Variants in DCUN1D1 observed in about 807,000 individuals in gnomAD.
The protein encoded by DCUN1D1 is DCN1-like protein 1.
Under a neutral mutation model 39.0 loss-of-function variants are expected in DCUN1D1, and 3 were observed. The observed-to-expected ratio is 0.08, with a 90% CI of 0.04 to 0.20. DCUN1D1 has a LOEUF of 0.20. Ranked by LOEUF, DCUN1D1 falls within the 10% of genes least tolerant of loss-of-function variation. DCUN1D1 has a pLI of 1.00. For synonymous variants in DCUN1D1, 82 were observed against 96.3 expected (o/e 0.85, Z 0.87); for missense variants, 158 against 302.4 (o/e 0.52, Z 3.54).
intron 4 of DCUN1D1, among the ~76,000 whole-genome samples, chr3:182,954,567 T>C (rs1188345639): frequency 2.6e-5 from 4 of 152,272 alleles, no homozygotes; most frequent in African/African-American, 9.6e-5. Flanking sequence ...TTTATTAAAT[T>C]ATCTATATAA....
At chr3:182,953,636 C>A (rs1321919571) in intron 4 of DCUN1D1, among the ~76,000 whole-genome samples, 1 of 152,126 alleles carries the variant, frequency 6.6e-6, no homozygotes, top group Admixed American at 6.5e-5. Flanking sequence ...CATATCAGTT[C>A]TTACTATTAT....
Position 182,965,597 on chromosome 3 carries a change from C to G in DCUN1D1, c.160G>C (p.Glu54Gln). ...FFQNPELYIR[E>Q]SVKGSLDRKK... ...CTGTCCAATGATCCTTTTACACTCT[C>G]TCGTATATAAAGTTCAGGATTTTGG... Residue 54 changes from glutamate to glutamine, a missense_variant, in exon 2 of 7, where the codon GAG becomes CAG. Transcript: ENST00000292782. 6.2e-7 allele frequency: 1 copy of G among 1,613,798 alleles called. No individual in the cohort carries two copies. Among genetic ancestry groups the G allele is most frequent in the Non-Finnish European group, 8.5e-7 (1 of 1,179,820 alleles).
intron 1 of DCUN1D1, among the ~76,000 whole-genome samples, chr3:182,972,050 G>GTTT (rs397877483): frequency 1.2e-4 from 13 of 108,854 alleles, no homozygotes; most frequent in Admixed American, 2.0e-4. Flanking sequence ...TCTATTTAGG[G>GTTT]TTTTTTTTTT....
intron 4 of DCUN1D1, among the ~76,000 whole-genome samples, chr3:182,950,255 C>G (rs963643422): frequency 6.6e-6 from 1 of 152,084 alleles, no homozygotes; most frequent in Non-Finnish European, 1.5e-5. Context: ...TCAAGCAATT[C>G]TCCTGCCTCA....
chr3:182,953,138 T>C (rs750835459), intron 4 of DCUN1D1, among the ~76,000 whole-genome samples: 4 of 152,200 alleles, frequency 2.6e-5, no homozygotes, highest in East Asian at 1.9e-4. Flanking sequence ...AAAATGTGCA[T>C]TCATTCTTCA....
Position 182,964,103 on chromosome 3 carries a change from A to G in DCUN1D1, c.221-54T>C, listed in dbSNP as rs552281409. 89 of 1,477,710 alleles carry G rather than the reference A, an allele frequency of 6.0e-5. No individual in the cohort carries two copies. The South Asian group carries it at 8.0e-4, about 13-fold the overall frequency. The allele number at this position is 1,477,710 out of a possible 1,614,324, so 91.5% of individuals were successfully genotyped here. A position where few individuals can be genotyped will look rare whatever the true frequency, so the allele number is the denominator to read the frequency against. On this transcript the variant is annotated intron_variant, in intron 2 of 6. Coordinates refer to ENST00000292782, the MANE Select transcript of DCUN1D1 (RefSeq NM_020640.4). ...TAGTGTCATATTATGCTACATTATGAAAACTGAAAAAGGTAATGCTTTATA... is the reference window on the plus strand; with the variant it reads ...TAGTGTCATATTATGCTACATTATGGAAACTGAAAAAGGTAATGCTTTATA...
rs1726074686 is a variant in DCUN1D1, at chr3:182,940,200, G to A, written c.*4894C>T. ...TGTAAAAATCTCTTGCTTCGTATTGGGTATTGCCCAAGTTTTCCATCAGAT... is the reference window on the plus strand; with the variant it reads ...TGTAAAAATCTCTTGCTTCGTATTGAGTATTGCCCAAGTTTTCCATCAGAT... On this transcript the variant is annotated 3_prime_UTR_variant, in exon 7 of 7. Coordinates refer to ENST00000292782, the MANE Select transcript of DCUN1D1 (RefSeq NM_020640.4). The A allele has an allele frequency of 6.6e-6, 1 of 151,864 alleles. No individual in the cohort carries two copies. The highest frequency in any genetic ancestry group is 6.6e-5 in the Admixed American group (1 of 15,236). The allele number at this position is 151,864 out of a possible 1,614,324, so 9.4% of individuals were successfully genotyped here.
intron 1 of DCUN1D1, chr3:182,980,208 C>T: frequency 2.7e-6 from 1 of 367,396 alleles, no homozygotes; most frequent in Non-Finnish European, 3.8e-6. Context: ...CAAGGGGCAC[C>T]GGGGCCGCTC....
At chr3:182,959,689 T>C (rs750085566) in intron 4 of DCUN1D1, among the ~76,000 whole-genome samples, 18 of 152,018 alleles carry the variant, frequency 1.2e-4, no homozygotes, top group South Asian at 2.1e-4. Context: ...ACTCAAAAAA[T>C]TGGTAAACAT....
At chr3:182,955,290 T>C in intron 4 of DCUN1D1, 1 of 543,342 alleles carries the variant, frequency 1.8e-6, no homozygotes, top group Non-Finnish European at 3.7e-6. Context: ...AAAATCCAAA[T>C]CATCATCACT....
In DCUN1D1 at chr3:182,945,048, G is replaced by T. The variant is rs1726323399; in HGVS notation, c.*46C>A. On this transcript the variant is annotated 3_prime_UTR_variant, in exon 7 of 7. Transcript: ENST00000292782. Reference sequence around the variant, plus strand: ...GAAATTGACTGTGCAATTTTCTGTTGTATTTATTGTACAGACTATGTACAT... The same window carrying T: ...GAAATTGACTGTGCAATTTTCTGTTTTATTTATTGTACAGACTATGTACAT... 4 of 1,501,018 alleles carry T rather than the reference G, an allele frequency of 2.7e-6. No homozygotes were observed. The East Asian group carries it at 9.1e-5, about 34-fold the overall frequency. 93.0% of individuals were successfully genotyped at this position (1,501,018 alleles called of 1,614,324 possible). A position where few individuals can be genotyped will look rare whatever the true frequency, so the allele number is the denominator to read the frequency against.
At chr3:182,982,459 C>T (rs1180411110), upstream of DCUN1D1, among the ~76,000 whole-genome samples, 10 of 152,282 alleles carry the variant, frequency 6.6e-5, no homozygotes, top group East Asian at 7.7e-4. Context: ...AAATCTAAAA[C>T]TTTATCCCCA....
At chr3:182,972,040 T>C (rs1560179549) in intron 1 of DCUN1D1, among the ~76,000 whole-genome samples, 1 of 150,548 alleles carries the variant, frequency 6.6e-6, no homozygotes, top group Non-Finnish European at 1.5e-5. Context: ...GGATGGAGCT[T>C]CTATTTAGGG....
intron 4 of DCUN1D1, 86 bp from the exon 5 acceptor site, chr3:182,947,718 G>A: frequency 1.3e-6 from 1 of 789,486 alleles, no homozygotes; most frequent in Non-Finnish European, 2.1e-6. Context: ...AAACAGGTAT[G>A]ACCAAAGAAA....
rs1466778311 is a variant in DCUN1D1, at chr3:182,942,543, T to C, written c.*2551A>G. 6.6e-6 allele frequency: 1 copy of C among 151,634 alleles called. No individual in the cohort carries two copies. Among genetic ancestry groups the C allele is most frequent in the Non-Finnish European group, 1.5e-5 (1 of 67,888 alleles). The allele number at this position is 151,634 out of a possible 1,614,324, so 9.4% of individuals were successfully genotyped here. The stretch of plus-strand genomic sequence containing the variant: ...TATACATTTTTCTATTTAAAAAGCA[T>C]TACATTTTAAAATTTGTACCTGTTT... On this transcript the variant is annotated 3_prime_UTR_variant, in exon 7 of 7. Coordinates refer to ENST00000292782, the MANE Select transcript of DCUN1D1 (RefSeq NM_020640.4).
intron 2 of DCUN1D1, among the ~76,000 whole-genome samples, chr3:182,965,059 G>A (rs1727601886): frequency 6.6e-6 from 1 of 152,172 alleles, no homozygotes; most frequent in African/African-American, 2.4e-5. Context: ...GAAAAACTTT[G>A]AAAGAAACTC....
At chr3:182,946,894 T>C (rs1344144125) in intron 6 of DCUN1D1, among the ~76,000 whole-genome samples, 3 of 152,216 alleles carry the variant, frequency 2.0e-5, no homozygotes, top group South Asian at 4.2e-4. Context: ...GGCAGGAGGA[T>C]TGCTTGAGGC....
At chr3:182,962,862 C>A (rs1727470564) in intron 3 of DCUN1D1, among the ~76,000 whole-genome samples, 1 of 152,270 alleles carries the variant, frequency 6.6e-6, no homozygotes, top group Non-Finnish European at 1.5e-5. Flanking sequence ...CTCACCACAA[C>A]CTCCGCCTCC....
At chr3:182,967,950 G>A (rs980076250) in intron 1 of DCUN1D1, among the ~76,000 whole-genome samples, 1 of 152,142 alleles carries the variant, frequency 6.6e-6, no homozygotes, top group African/African-American at 2.4e-5. Context: ...ATCCTCCTCT[G>A]AGGAACAAAG....
Sources: allele counts gnomAD v4.1 joint callset (sites outside exome capture counted in the v4.1 genomes callset), GRCh38; gene constraint gnomAD v4.1.1; transcripts MANE v1.5; gene names NCBI Gene and HGNC (gene_info 2026-07-23, HGNC 2026-07-21).